The following GPC6 variants were observed in gnomAD, a reference collection of about 807,000 sequenced individuals.
GPC6 encodes the protein glypican 6.
A neutral mutation model predicts 55.2 loss-of-function variants in GPC6; 14 were observed. The ratio of observed to expected loss-of-function variants is 0.25; its 90% CI spans 0.17 to 0.40. The LOEUF is 0.40. Ranked by LOEUF, GPC6 falls within the 10% of genes least tolerant of loss-of-function variation. The pLI, the probability that GPC6 is intolerant of heterozygous loss-of-function variation, is 1.00. For synonymous variants in GPC6, 278 were observed against 259.6 expected (o/e 1.07, Z -0.68); for missense variants, 641 against 708.5 (o/e 0.90, Z 1.08).
chr13:94,296,867 A>G (rs1334690277), intron 5 of GPC6, among the ~76,000 whole-genome samples: 1 of 152,214 alleles, frequency 6.6e-6, no homozygotes, highest in Non-Finnish European at 1.5e-5. Context: ...ACAGTAAAAT[A>G]ATTAGAAAGT....
chr13:93,965,470 A>G (rs1459821829), intron 3 of GPC6, among the ~76,000 whole-genome samples: 1 of 152,116 alleles, frequency 6.6e-6, no homozygotes, highest in Non-Finnish European at 1.5e-5. Flanking sequence ...CAAGAGGAGG[A>G]GACTGTTTCT....
rs940494541 is a variant in GPC6 at position 94,000,062 on chromosome 13, G to T, written c.712-27667G>T. 5.3e-5 allele frequency among the ~76,000 whole-genome samples: 8 copies of T among 152,092 alleles called. 1 individual carries two copies. Among genetic ancestry groups the T allele is most frequent in the Middle Eastern group, 6.3e-3 (2 of 316 alleles). On this transcript the variant is annotated intron_variant, in intron 3 of 8. Coordinates refer to ENST00000377047, the MANE Select transcript of GPC6 (RefSeq NM_005708.5). ...TACTTGCTCTGCAATGATTTTGCGT[G>T]GATATTTTATACTTCCCTGTGTCTG...
chr13:93,407,026 T>C (rs1259487268), intron 1 of GPC6, among the ~76,000 whole-genome samples: 2 of 152,204 alleles, frequency 1.3e-5, no homozygotes, highest in Admixed American at 6.6e-5. Flanking sequence ...CGTTAGATTG[T>C]ATCAATGTTA....
At chr13:94,362,449 A>G (rs534894544) in intron 6 of GPC6, among the ~76,000 whole-genome samples, 2 of 152,340 alleles carry the variant, frequency 1.3e-5, no homozygotes, top group East Asian at 3.9e-4. Context: ...CATTAAAATA[A>G]CAGCCTGTCA....
At chr13:93,674,119 A>G (rs564658640) in intron 2 of GPC6, among the ~76,000 whole-genome samples, 1 of 152,238 alleles carries the variant, frequency 6.6e-6, no homozygotes, top group African/African-American at 2.4e-5. Flanking sequence ...AAATGGAAGC[A>G]ATGAAACACT....
chr13:94,081,872 C>T (rs1018130157), intron 4 of GPC6, among the ~76,000 whole-genome samples: 2 of 114,088 alleles, frequency 1.8e-5, no homozygotes, highest in Admixed American at 1.6e-4. Flanking sequence ...ACACAGTCCC[C>T]CTCTGTCACC....
At chr13:93,507,055 C>T (rs1880756513) in intron 1 of GPC6, among the ~76,000 whole-genome samples, 3 of 102,074 alleles carry the variant, frequency 2.9e-5, no homozygotes, top group Non-Finnish European at 5.5e-5. Flanking sequence ...GAGCGAGACT[C>T]CGTCTCAAAA....
chr13:94,128,146 TA>T lies in GPC6; in HGVS notation c.877+100253del, dbSNP rs568722312. The stretch of plus-strand genomic sequence containing the variant: ...AGATTTTAAAATCAGTGTGTTTATT[TA>T]GAAGGAAACACTTTAGACTTTTGAT... On this transcript the variant is annotated intron_variant, in intron 4 of 8. Coordinates refer to ENST00000377047, the MANE Select transcript of GPC6 (RefSeq NM_005708.5). Among the ~76,000 whole-genome samples, 1,139 of 152,298 alleles carry T rather than the reference TA, an allele frequency of 7.5e-3. 11 individuals are homozygous for T. The highest frequency in any genetic ancestry group is 0.042 in the South Asian group (203 of 4,832).
intron 1 of GPC6, among the ~76,000 whole-genome samples, chr13:93,365,131 C>T (rs1881194679): frequency 6.6e-6 from 1 of 152,122 alleles, no homozygotes; most frequent in Non-Finnish European, 1.5e-5. Context: ...AAGCCATGGA[C>T]CAGCATGTTT....
chr13:93,817,029 T>C (rs1329596991), intron 2 of GPC6, among the ~76,000 whole-genome samples: 1 of 152,038 alleles, frequency 6.6e-6, no homozygotes, highest in Non-Finnish European at 1.5e-5. Context: ...TTAAAGGGAG[T>C]CCTGTAAATT....
chr13:93,709,755 G>A (rs866079255), intron 2 of GPC6, among the ~76,000 whole-genome samples: 1 of 151,786 alleles, frequency 6.6e-6, no homozygotes, highest in Non-Finnish European at 1.5e-5. Flanking sequence ...AAGATAAATA[G>A]TGTCACTAAG....
intron 5 of GPC6, among the ~76,000 whole-genome samples, chr13:94,294,973 T>C (rs956743357): frequency 5.9e-5 from 9 of 152,286 alleles, no homozygotes; most frequent in African/African-American, 2.2e-4. Context: ...GTTTTACACA[T>C]GGAAGAAGCA....
intron 3 of GPC6, among the ~76,000 whole-genome samples, chr13:93,881,709 A>C (rs1001246845): frequency 1.3e-5 from 2 of 151,196 alleles, no homozygotes; most frequent in African/African-American, 4.9e-5. Context: ...TTGTATAAAC[A>C]TATGGTTCAA....
In GPC6 at chr13:94,276,006, A is replaced by G. The variant is rs1027247738; in HGVS notation, c.878-10343A>G. Among the ~76,000 whole-genome samples, 3 of 152,230 alleles carry G rather than the reference A, an allele frequency of 2.0e-5. No homozygotes were observed. The South Asian group carries it at 6.2e-4, about 32-fold the overall frequency. On this transcript the variant is annotated intron_variant, in intron 4 of 8. Coordinates refer to ENST00000377047, the MANE Select transcript of GPC6 (RefSeq NM_005708.5). ...GAGAATATAAACAAGTACAGCCTTTATGAAGAGAATTTTTGCAAAACTATC... is the reference window on the plus strand; with the variant it reads ...GAGAATATAAACAAGTACAGCCTTTGTGAAGAGAATTTTTGCAAAACTATC...
intron 2 of GPC6, among the ~76,000 whole-genome samples, chr13:93,562,305 C>T (rs536112805): frequency 1.1e-4 from 16 of 152,148 alleles, no homozygotes; most frequent in African/African-American, 3.6e-4. Flanking sequence ...ATCTAGATCC[C>T]TTTATGCAAG....
At chr13:93,842,931 A>C (rs1372633338) in intron 3 of GPC6, among the ~76,000 whole-genome samples, 3 of 152,148 alleles carry the variant, frequency 2.0e-5, no homozygotes, top group Non-Finnish European at 4.4e-5. Context: ...TAAATTCTCC[A>C]TACCCAGAGA....
Position 93,227,606 on chromosome 13 carries a change from G to C in GPC6, c.150G>C (p.Gln50His), listed in dbSNP as rs1325861546. 3.7e-6 allele frequency: 6 copies of C among 1,604,574 alleles called. No homozygotes were observed. The highest frequency in any genetic ancestry group is 5.1e-6 in the Non-Finnish European group (6 of 1,177,454). The change falls in exon 1 of 9, where the codon CAG becomes CAC. Residue 50 changes from glutamine (Q) to histidine (H), a missense_variant. Transcript: ENST00000377047. This position sits in a 1 kb window ranked among gnomAD's most constrained non-coding sequence, Gnocchi z 4.3. Reference sequence around the variant, plus strand: ...TCAGCCTGGCGGACATCCCCTACCAGGAGATCGCAGGTAAGCGCGGGCGCG... The same window carrying C: ...TCAGCCTGGCGGACATCCCCTACCACGAGATCGCAGGTAAGCGCGGGCGCG... ...KGFSLADIPY[Q>H]EIAGEHLRIC...
At chr13:94,287,559 G>T (rs1045708373) in intron 5 of GPC6, among the ~76,000 whole-genome samples, 7 of 152,074 alleles carry the variant, frequency 4.6e-5, no homozygotes, top group Non-Finnish European at 7.4e-5. Context: ...AAAGAATCTG[G>T]CCTGGGTCCC....
chr13:94,250,122 G>A (rs1420418205), intron 4 of GPC6, among the ~76,000 whole-genome samples: 2 of 152,154 alleles, frequency 1.3e-5, no homozygotes, highest in Non-Finnish European at 2.9e-5. Context: ...TGAACACCAT[G>A]GAGATTAAGA....
Sources: gnomAD v4.1 joint callset for allele counts (sites outside exome capture counted in the v4.1 genomes callset) on GRCh38, gnomAD v4.1.1 for gene constraint, Gnocchi (gnomAD v3.1) non-coding constraint, MANE v1.5 for transcripts, NCBI Gene and HGNC (gene_info 2026-07-23, HGNC 2026-07-21) for gene names.